Variants in HIVEP3 observed in about 807,000 individuals in gnomAD.
HIVEP3 encodes the protein transcription factor HIVEP3.
In HIVEP3, 49 loss-of-function variants were observed where a neutral mutation model predicts 152.8. The observed-to-expected ratio is 0.32, with a 90% confidence interval of 0.26 to 0.41. The LOEUF is 0.41. HIVEP3 is among the 10% of genes least tolerant of loss of function. The pLI is 1.00. For missense variants in HIVEP3, 2,790 were observed against 3,103.3 expected, an observed-to-expected ratio of 0.90 and a Z score of 2.40; for synonymous variants, 1,269 against 1,289.0, an observed-to-expected ratio of 0.98 and a Z score of 0.33.
At chr1:41,795,777 T>C (rs1297975160) in intron 1 of HIVEP3, among the ~76,000 whole-genome samples, 1 of 152,248 alleles carries the variant, frequency 6.6e-6, no homozygotes, top group Non-Finnish European at 1.5e-5. Context: ...GGTTGGCTCC[T>C]GGGTCCTTCA....
At chr1:41,973,137 G>C (rs948636706) in intron 1 of HIVEP3, among the ~76,000 whole-genome samples, 2 of 152,154 alleles carry the variant, frequency 1.3e-5, no homozygotes, top group African/African-American at 4.8e-5. Flanking sequence ...GTTCTGATGA[G>C]TAAGGGACCT....
At chr1:41,842,654 G>A (rs1643323123) in intron 1 of HIVEP3, among the ~76,000 whole-genome samples, 2 of 152,280 alleles carry the variant, frequency 1.3e-5, no homozygotes, top group South Asian at 4.2e-4. Flanking sequence ...AGCCCAGCAT[G>A]AGTTCATTCT....
intron 5 of HIVEP3, among the ~76,000 whole-genome samples, chr1:41,561,387 G>T (rs938073410): frequency 2.0e-5 from 3 of 152,152 alleles, no homozygotes; most frequent in African/African-American, 7.2e-5. Context: ...CCCTGCAGAA[G>T]ACCTCATTTC....
chr1:41,704,297 CT>C (rs935095572), intron 1 of HIVEP3, among the ~76,000 whole-genome samples: 2 of 152,250 alleles, frequency 1.3e-5, no homozygotes, highest in East Asian at 3.8e-4. Context: ...ATAGCCCAGG[CT>C]CCACCTTCTA....
intron 2 of HIVEP3, among the ~76,000 whole-genome samples, chr1:41,666,968 C>T (rs1004217846): frequency 6.6e-6 from 1 of 152,172 alleles, no homozygotes; most frequent in Non-Finnish European, 1.5e-5. Context: ...GTTCCCTATA[C>T]TTTTCCCCTC....
intron 2 of HIVEP3, among the ~76,000 whole-genome samples, chr1:41,689,563 A>C (rs1318011914): frequency 6.6e-6 from 1 of 152,200 alleles, no homozygotes; most frequent in Non-Finnish European, 1.5e-5. Flanking sequence ...GAGGAGTGGT[A>C]GGAAGCCATG....
At chr1:41,909,816 TAAAC>T (rs1038799786) in intron 1 of HIVEP3, among the ~76,000 whole-genome samples, 44 of 151,938 alleles carry the variant, frequency 2.9e-4, no homozygotes, top group Admixed American at 2.6e-3. Context: ...ATAAGAAAAA[TAAAC>T]AAACATTCAG....
At chr1:41,637,852 G>A (rs1645300686) in intron 2 of HIVEP3, among the ~76,000 whole-genome samples, 1 of 152,198 alleles carries the variant, frequency 6.6e-6, no homozygotes, top group Non-Finnish European at 1.5e-5. Flanking sequence ...CGGAACTGGG[G>A]CAGAGCAGAA....
At chr1:41,853,669 C>T (rs1242518331) in intron 1 of HIVEP3, among the ~76,000 whole-genome samples, 1 of 152,078 alleles carries the variant, frequency 6.6e-6, no homozygotes, top group Non-Finnish European at 1.5e-5. Flanking sequence ...AGAAGGATTT[C>T]AACGTGTAGA....
chr1:41,918,127 C>A lies in HIVEP3; in HGVS notation c.-801+286G>T, dbSNP rs985012832. Among the ~76,000 whole-genome samples, 1 of 151,580 alleles carries A rather than the reference C, an allele frequency of 6.6e-6. No individual in the cohort carries two copies. The highest frequency in any genetic ancestry group is 1.5e-5 in the Non-Finnish European group (1 of 67,890). On this transcript the variant is annotated intron_variant, in intron 1 of 8. Coordinates refer to ENST00000372583, the MANE Select transcript of HIVEP3 (RefSeq NM_024503.5). This position sits in a 1 kb window ranked among gnomAD's most constrained non-coding sequence, Gnocchi z 4.3. ...ACAGCCCCGCCGCCGCCGCCGCCGC[C>A]GCCGCCTGTGATTGACGCGCGGGGG...
chr1:41,806,497 A>G (rs1189497207), intron 1 of HIVEP3, among the ~76,000 whole-genome samples: 2 of 152,244 alleles, frequency 1.3e-5, no homozygotes, highest in African/African-American at 2.4e-5. Flanking sequence ...CTTCACCTCC[A>G]TAAGCCTCCA....
rs1644483958 is a variant in HIVEP3 at position 41,585,049 on chromosome 1, C to T, written c.-252G>A. 2 of 401,990 alleles carry T rather than the reference C, an allele frequency of 5.0e-6. No individual in the cohort carries two copies. Among genetic ancestry groups the T allele is most frequent in the South Asian group, 2.7e-4 (2 of 7,428 alleles). 24.9% of individuals were successfully genotyped at this position (401,990 alleles called of 1,614,324 possible). A position where few individuals can be genotyped will look rare whatever the true frequency, so the allele number is the denominator to read the frequency against. On this transcript the variant is annotated 5_prime_UTR_variant, in exon 4 of 9. Transcript: ENST00000372583. The stretch of plus-strand genomic sequence containing the variant: ...TCTACTTTGCAGACAGAAAACGCAC[C>T]AGCACTTTCTGCCTGAATGTCTGTC...
At chr1:41,938,538 T>C (rs770970402) in intron 1 of HIVEP3, among the ~76,000 whole-genome samples, 4 of 152,122 alleles carry the variant, frequency 2.6e-5, no homozygotes, top group Non-Finnish European at 1.5e-5. Context: ...ATTAATGCCA[T>C]CTAGAACACT....
intron 1 of HIVEP3, among the ~76,000 whole-genome samples, chr1:41,776,339 C>T (rs1648702437): frequency 1.3e-5 from 2 of 152,268 alleles, no homozygotes; most frequent in Admixed American, 1.3e-4. Flanking sequence ...GAGACGTTCC[C>T]TGAGCATGCC....
In HIVEP3 at chr1:41,510,740, G is replaced by A. The variant is rs1291992000; in HGVS notation, c.6932C>T (p.Pro2311Leu). 3.2e-6 allele frequency: 5 copies of A among 1,564,504 alleles called. No individual in the cohort carries two copies. Among genetic ancestry groups the A allele is most frequent in the Non-Finnish European group, 4.3e-6 (5 of 1,154,642 alleles). ...GGGCGGCCGGGGCAAGGTGTCGGGT[G>A]GGGTGCAGGGGCTGTGCGTGGGTGT... ...EPTPTHSPCT[P>L]PDTLPRPPQG... Residue 2311 changes from proline to leucine, a missense_variant, in exon 9 of 9, where the codon CCA (proline) becomes CTA (leucine). By Grantham distance (98) the Pro-to-Leu change is moderately conservative. This residue lies in a region of HIVEP3 where 816 missense variants were observed against 806.5 expected (regional missense o/e 1.01). Transcript: ENST00000372583.
At chr1:41,554,711 T>G (rs1219393869) in intron 5 of HIVEP3, among the ~76,000 whole-genome samples, 3 of 152,256 alleles carry the variant, frequency 2.0e-5, no homozygotes, top group African/African-American at 7.2e-5. Flanking sequence ...ATGCTATTCC[T>G]TTCTGTTTGT....
At chr1:41,544,497 C>A (rs1181863804) in intron 5 of HIVEP3, among the ~76,000 whole-genome samples, 1 of 151,746 alleles carries the variant, frequency 6.6e-6, no homozygotes, top group African/African-American at 2.4e-5. Flanking sequence ...TTCTCTAGGG[C>A]ATGGAATAAC....
intron 1 of HIVEP3, among the ~76,000 whole-genome samples, chr1:41,856,550 G>A (rs1423076816): frequency 2.6e-5 from 4 of 152,208 alleles, no homozygotes; most frequent in Non-Finnish European, 2.9e-5. Flanking sequence ...ACAAGCGGGC[G>A]TTCGCACATG....
At chr1:41,814,372 T>C (rs1182341038) in intron 1 of HIVEP3, among the ~76,000 whole-genome samples, 1 of 152,186 alleles carries the variant, frequency 6.6e-6, no homozygotes, top group Non-Finnish European at 1.5e-5. Flanking sequence ...ATGAACTATA[T>C]CCATCACCTC....
Sources: allele counts gnomAD v4.1 joint callset (sites outside exome capture counted in the v4.1 genomes callset), GRCh38; gene constraint gnomAD v4.1.1; regional missense constraint gnomAD v4.1.1; non-coding constraint Gnocchi (gnomAD v3.1); transcripts MANE v1.5; gene names NCBI Gene and HGNC (gene_info 2026-07-23, HGNC 2026-07-21).